WDR27: variants seen among roughly 807,000 people sequenced by gnomAD.
WDR27 encodes WD repeat domain 27, also known as WD repeat-containing protein 27.
Under a neutral mutation model 114.4 loss-of-function variants are expected in WDR27, and 100 were observed. The observed-to-expected ratio is 0.87, with a 90% CI of 0.74 to 1.03. WDR27 has a LOEUF of 1.03. Ranked by LOEUF, WDR27 falls within the 50% of genes least tolerant of loss-of-function variation. The pLI, the probability that WDR27 is intolerant of heterozygous loss-of-function variation, is 0.00. For synonymous variants in WDR27, 449 were observed against 423.1 expected (o/e 1.06, Z -0.75); for missense variants, 1,129 against 1,092.9 (o/e 1.03, Z -0.47).
chr6:169,441,873 T>C, the WDR27 span, among the ~76,000 whole-genome samples: 14 of 152,248 alleles, frequency 9.2e-5, no homozygotes, highest in Admixed American at 4.6e-4. Context: ...GATTCATGTA[T>C]ATATTTTTAT....
chr6:169,678,652 G>T (rs898935987), intron 2 of WDR27, among the ~76,000 whole-genome samples: 5 of 152,170 alleles, frequency 3.3e-5, no homozygotes, highest in South Asian at 2.1e-4. Context: ...GGTCTGGGGA[G>T]TCATGCCCTA....
chr6:169,533,460 A>G (rs1489691257), intron 25 of WDR27, among the ~76,000 whole-genome samples: 1 of 152,196 alleles, frequency 6.6e-6, no homozygotes, highest in Non-Finnish European at 1.5e-5. Context: ...ATTTCCTGAG[A>G]AAGATCCATC....
At chr6:169,429,175 G>A in the WDR27 span, among the ~76,000 whole-genome samples, 2 of 152,104 alleles carry the variant, frequency 1.3e-5, no homozygotes, top group African/African-American at 2.4e-5. Context: ...CGCATCACAC[G>A]GCGCTGGGCG....
At chr6:169,563,304 C>A (rs1366239574) in intron 25 of WDR27, among the ~76,000 whole-genome samples, 1 of 152,096 alleles carries the variant, frequency 6.6e-6, no homozygotes, top group Admixed American at 6.6e-5. Context: ...GTGAAAAAGA[C>A]AAAACAAAGC....
intron 25 of WDR27, among the ~76,000 whole-genome samples, chr6:169,543,885 A>G (rs914361905): frequency 2.0e-5 from 3 of 152,202 alleles, no homozygotes; most frequent in Non-Finnish European, 2.9e-5. Flanking sequence ...ATTTTGTAAC[A>G]ACATGCATTA....
chr6:169,619,251 G>A (rs1219622169), intron 21 of WDR27, among the ~76,000 whole-genome samples: 4 of 152,132 alleles, frequency 2.6e-5, no homozygotes, highest in South Asian at 4.1e-4. Flanking sequence ...GAAATTAGAC[G>A]GTCACCATGT....
chr6:169,543,445 C>G (rs969900053), intron 25 of WDR27, among the ~76,000 whole-genome samples: 1 of 151,994 alleles, frequency 6.6e-6, no homozygotes, highest in Non-Finnish European at 1.5e-5. Flanking sequence ...TCATGTGGGT[C>G]TTTTCTACCA....
Position 169,618,567 on chromosome 6 carries a change from A to G in WDR27, c.2224-4911T>C, listed in dbSNP as rs1812392647. On this transcript the variant is annotated intron_variant, in intron 21 of 25. Coordinates refer to ENST00000448612, the MANE Select transcript of WDR27 (RefSeq NM_182552.5). ...ATTCCATTTGTCCAACAGAATTAAGATAACTATAGGAGTAATTCTCAGAAG... is the reference window on the plus strand; with the variant it reads ...ATTCCATTTGTCCAACAGAATTAAGGTAACTATAGGAGTAATTCTCAGAAG... Among the ~76,000 whole-genome samples the G allele has an allele frequency of 3.3e-5, 5 of 149,910 alleles. No individual in the cohort carries two copies. In the South Asian group the frequency reaches 1.1e-3, roughly 32 times the overall value.
At chr6:169,568,892 T>C (rs1800915916) in intron 25 of WDR27, among the ~76,000 whole-genome samples, 1 of 152,224 alleles carries the variant, frequency 6.6e-6, no homozygotes, top group Non-Finnish European at 1.5e-5. Flanking sequence ...GCAACTTCTC[T>C]GTGGGATGTG....
chr6:169,664,746 G>C, intron 7 of WDR27: 1 of 996,322 alleles, frequency 1.0e-6, no homozygotes, highest in Non-Finnish European at 1.2e-6. Flanking sequence ...TCCAGGCTTT[G>C]TGAAATGAAC....
intron 25 of WDR27, among the ~76,000 whole-genome samples, chr6:169,553,698 G>A (rs566717886): frequency 3.9e-5 from 6 of 152,262 alleles, no homozygotes; most frequent in African/African-American, 1.4e-4. Context: ...TGAACATTAC[G>A]ACCTGCTAGA....
At chr6:169,488,379 C>T (rs1789237110) in intron 25 of WDR27, among the ~76,000 whole-genome samples, 1 of 152,178 alleles carries the variant, frequency 6.6e-6, no homozygotes, top group Non-Finnish European at 1.5e-5. Context: ...CCTCATCCAT[C>T]AAAAGCAGAA....
intron 21 of WDR27, among the ~76,000 whole-genome samples, chr6:169,620,979 T>G (rs1410193331): frequency 6.6e-6 from 1 of 152,200 alleles, no homozygotes; most frequent in Non-Finnish European, 1.5e-5. Context: ...CCTGACCTTG[T>G]GTAATACACG....
At chr6:169,685,667 C>G (rs1415062739) in intron 2 of WDR27, among the ~76,000 whole-genome samples, 1 of 151,862 alleles carries the variant, frequency 6.6e-6, no homozygotes, top group Non-Finnish European at 1.5e-5. Context: ...ATAATACCAG[C>G]AGACAAAAAA....
chr6:169,549,269 T>G (rs922534706), intron 25 of WDR27, among the ~76,000 whole-genome samples: 2 of 152,054 alleles, frequency 1.3e-5, no homozygotes, highest in African/African-American at 2.4e-5. Flanking sequence ...AATAAGCATA[T>G]AAAAATACTC....
the WDR27 span, among the ~76,000 whole-genome samples, chr6:169,444,763 AT>A: frequency 1.3e-5 from 2 of 151,922 alleles, no homozygotes. Context: ...ATCCAAGTAA[AT>A]CCAAGTGAAG....
chr6:169,655,062 T>C (rs1206826463), intron 13 of WDR27, among the ~76,000 whole-genome samples: 7 of 152,206 alleles, frequency 4.6e-5, no homozygotes, highest in African/African-American at 1.7e-4. Context: ...TCTCCCTCGC[T>C]TTGGGTTTTC....
In WDR27 at chr6:169,582,917, C is replaced by T. The variant is rs1803749298; in HGVS notation, c.2442G>A (p.Met814Ile). Residue 814 changes from methionine to isoleucine, a missense_variant, in exon 24 of 26, where the codon ATG (methionine) becomes ATA (isoleucine). Met to Ile is a conservative substitution (Grantham distance 10). Transcript: ENST00000448612. ...AEDRHAYVYE[M>I]GSSTFSHRLA... Reference sequence around the variant, plus strand: ...GCCGGTGAGAAAACGTGCTTGAGCCCATTTCATACACGTAAGCCTACAAGA... The same window carrying T: ...GCCGGTGAGAAAACGTGCTTGAGCCTATTTCATACACGTAAGCCTACAAGA... 1.9e-6 allele frequency: 3 copies of T among 1,613,702 alleles called. No individual in the cohort carries two copies. Among genetic ancestry groups the T allele is most frequent in the Non-Finnish European group, 2.5e-6 (3 of 1,179,866 alleles).
At chr6:169,462,470 G>A (rs1297077104) in intron 25 of WDR27, among the ~76,000 whole-genome samples, 2 of 144,114 alleles carry the variant, frequency 1.4e-5, no homozygotes, top group African/African-American at 2.9e-5. Flanking sequence ...GAGGGAGGGA[G>A]GAGAGGGGGG....
Sources: gnomAD v4.1 joint callset for allele counts (sites outside exome capture counted in the v4.1 genomes callset) on GRCh38, gnomAD v4.1.1 for gene constraint, MANE v1.5 for transcripts, NCBI Gene and HGNC (gene_info 2026-07-23, HGNC 2026-07-21) for gene names.